KIF5C: variants seen among roughly 807,000 people sequenced by gnomAD.
KIF5C encodes kinesin family member 5C, also known as kinesin heavy chain isoform 5C.
KIF5C carries 18 observed loss-of-function variants against 125.2 expected under a neutral mutation model. The ratio of observed to expected loss-of-function variants is 0.14; its 90% CI spans 0.10 to 0.21. The LOEUF is 0.21. KIF5C is among the 10% of genes least tolerant of loss of function. The pLI, the probability that KIF5C is intolerant of heterozygous loss-of-function variation, is 1.00. For missense variants in KIF5C, 780 were observed against 1,183.8 expected, an observed-to-expected ratio of 0.66 and a Z score of 5.01; for synonymous variants, 405 against 434.0, an observed-to-expected ratio of 0.93 and a Z score of 0.83.
In KIF5C at chr2:149,000,705, TC is replaced by T; in HGVS notation, c.2313-15del. 1 of 1,613,610 alleles carries T rather than the reference TC, an allele frequency of 6.2e-7. No homozygotes were observed. The highest frequency in any genetic ancestry group is 1.1e-5 in the South Asian group (1 of 90,880). The stretch of plus-strand genomic sequence containing the variant: ...TGAGTCCCCTGTGGTGGTCTATGGT[TC>T]CTTTTTGTTTTTCAGATTGCTCAAC... On this transcript the variant is annotated splice_polypyrimidine_tract_variant and intron_variant, in intron 20 of 25. Coordinates refer to ENST00000435030, the MANE Select transcript of KIF5C (RefSeq NM_004522.3).
intron 9 of KIF5C, 29 bp from the exon 10 acceptor site, chr2:148,950,285 A>C: frequency 6.2e-7 from 1 of 1,607,664 alleles, no homozygotes; most frequent in Non-Finnish European, 8.5e-7. Flanking sequence ...TGGGCTGTCA[A>C]AACCAATACT....
Position 148,947,133 on chromosome 2 carries a change from A to C in KIF5C, c.714+110A>C, listed in dbSNP as rs946301483. On this transcript the variant is annotated intron_variant, in intron 8 of 25. Coordinates refer to ENST00000435030, the MANE Select transcript of KIF5C (RefSeq NM_004522.3). ...ATTTTCCTGCTTTAAAGAGCTTTTA[A>C]AGTTTCTGAGGCTCTGCCAAGGTGT... is the stretch of plus-strand genomic sequence containing the variant. The C allele has an allele frequency of 6.8e-5, 98 of 1,435,712 alleles. 1 individual carries two copies. Among genetic ancestry groups the C allele is most frequent in the Non-Finnish European group, 8.1e-5 (88 of 1,087,406 alleles). The allele number at this position is 1,435,712 out of a possible 1,614,324, so 88.9% of individuals were successfully genotyped here.
intron 16 of KIF5C, among the ~76,000 whole-genome samples, chr2:148,991,775 A>T (rs987958655): frequency 7.2e-5 from 11 of 152,168 alleles, no homozygotes; most frequent in Admixed American, 7.2e-4. Flanking sequence ...CAGAGCTAGG[A>T]CTCAAAAAAA....
intron 15 of KIF5C, among the ~76,000 whole-genome samples, chr2:148,984,280 G>A (rs1040702807): frequency 6.6e-6 from 1 of 152,152 alleles, no homozygotes; most frequent in African/African-American, 2.4e-5. Context: ...GCCTCACCTG[G>A]GAGCTTATTG....
At chr2:148,941,505 A>T in intron 4 of KIF5C, 105 bp from the exon 5 acceptor site, 1 of 1,435,712 alleles carries the variant, frequency 7.0e-7, no homozygotes, top group Non-Finnish European at 9.4e-7. Flanking sequence ...CCCTCTTCTT[A>T]CTCTTCTTAG....
chr2:148,881,346 T>TA (rs1681345602), intron 1 of KIF5C, among the ~76,000 whole-genome samples: 3 of 152,184 alleles, frequency 2.0e-5, no homozygotes, highest in Non-Finnish European at 4.4e-5. Flanking sequence ...AGCTCTAGAC[T>TA]ACGTTAGCTG....
intron 18 of KIF5C, chr2:148,997,612 C>A: frequency 2.1e-6 from 1 of 473,948 alleles, no homozygotes; most frequent in Non-Finnish European, 3.6e-6. Flanking sequence ...GGGTAGCACC[C>A]CCAATCACTG....
intron 7 of KIF5C, among the ~76,000 whole-genome samples, chr2:148,944,301 G>C (rs1484359887): frequency 7.2e-5 from 11 of 152,210 alleles, no homozygotes; most frequent in Non-Finnish European, 1.2e-4. Flanking sequence ...CCAAAACTCT[G>C]TACCCAATAA....
intron 11 of KIF5C, among the ~76,000 whole-genome samples, chr2:148,963,662 G>T (rs1203947128): frequency 6.6e-6 from 1 of 152,150 alleles, no homozygotes; most frequent in African/African-American, 2.4e-5. Flanking sequence ...GTGGGGAGTA[G>T]CCATATGAAG....
At chr2:148,985,647 C>CT (rs1681361340) in intron 15 of KIF5C, among the ~76,000 whole-genome samples, 1 of 152,186 alleles carries the variant, frequency 6.6e-6, no homozygotes, top group Non-Finnish European at 1.5e-5. Flanking sequence ...AAACCAAATT[C>CT]TTTGAATTTA....
intron 13 of KIF5C, among the ~76,000 whole-genome samples, chr2:148,979,668 T>C (rs1400523860): frequency 6.6e-6 from 1 of 152,164 alleles, no homozygotes; most frequent in Non-Finnish European, 1.5e-5. Flanking sequence ...CTCAGATCTT[T>C]GATATACACC....
intron 21 of KIF5C, among the ~76,000 whole-genome samples, chr2:149,002,550 C>T (rs1681881790): frequency 1.3e-5 from 2 of 152,182 alleles, no homozygotes; most frequent in South Asian, 2.1e-4. Flanking sequence ...TGCATGCACA[C>T]TAATGATCGT....
chr2:148,943,609 A>G (rs1682458865), intron 7 of KIF5C, among the ~76,000 whole-genome samples: 3 of 152,268 alleles, frequency 2.0e-5, no homozygotes, highest in Admixed American at 1.3e-4. Context: ...TAGAATACCC[A>G]TGATTGTTGG....
At chr2:148,984,228 C>A (rs1681315650) in intron 15 of KIF5C, among the ~76,000 whole-genome samples, 1 of 152,184 alleles carries the variant, frequency 6.6e-6, no homozygotes, top group Non-Finnish European at 1.5e-5. Context: ...TAATTATTCA[C>A]AATATGAGAA....
At chr2:148,945,234 T>C (rs993875728) in intron 7 of KIF5C, among the ~76,000 whole-genome samples, 28 of 152,316 alleles carry the variant, frequency 1.8e-4, no homozygotes, top group Non-Finnish European at 3.2e-4. Context: ...GCTTTTCTCC[T>C]GTGTTTTCTT....
At chr2:148,989,437 A>G (rs1012578813) in intron 15 of KIF5C, among the ~76,000 whole-genome samples, 17 of 152,104 alleles carry the variant, frequency 1.1e-4, no homozygotes, top group African/African-American at 4.1e-4. Flanking sequence ...GCAATTGCAA[A>G]TTGTGCTGCC....
At chr2:148,956,012 C>T (rs565554315) in intron 10 of KIF5C, among the ~76,000 whole-genome samples, 13 of 152,200 alleles carry the variant, frequency 8.5e-5, no homozygotes, top group Non-Finnish European at 1.6e-4. Context: ...AGGCACTCCT[C>T]GTGTCATTTA....
chr2:148,991,192 C>G lies in KIF5C; in HGVS notation c.1899C>G (p.Ile633Met). 2 of 1,613,414 alleles carry G rather than the reference C, an allele frequency of 1.2e-6. No individual in the cohort carries two copies. Among genetic ancestry groups the G allele is most frequent in the Non-Finnish European group, 1.7e-6 (2 of 1,179,676 alleles). Residue 633 changes from isoleucine to methionine, a missense_variant, in exon 16 of 26, where the codon ATC becomes ATG. Around this residue, in one of 2 missense-constraint regions of KIF5C, gnomAD observed 573 missense variants for 742.6 expected, o/e 0.77. Transcript: ENST00000435030. ...AGCTGGCAGCCTGCCAGCTGCTCAT[C>G]TCCCAGGTGGGCCCTTCCCTTCCCC... ...ERELAACQLL[I>M]SQHEAKIKSL... is the part of the protein sequence containing the mutation.
intron 10 of KIF5C, among the ~76,000 whole-genome samples, chr2:148,956,199 G>A (rs1351541259): frequency 6.6e-6 from 1 of 152,188 alleles, no homozygotes; most frequent in Non-Finnish European, 1.5e-5. Flanking sequence ...TAACCTCGGT[G>A]GTGGAGATGG....
Sources: allele counts gnomAD v4.1 joint callset (sites outside exome capture counted in the v4.1 genomes callset), GRCh38; gene constraint gnomAD v4.1.1; regional missense constraint gnomAD v4.1.1; transcripts MANE v1.5; gene names NCBI Gene and HGNC (gene_info 2026-07-23, HGNC 2026-07-21).